Variants in UTRN observed in about 807,000 individuals in gnomAD.
The protein encoded by UTRN is utrophin.
Under a neutral mutation model 463.9 loss-of-function variants are expected in UTRN, and 283 were observed. That is an observed-to-expected ratio of 0.61 (90% confidence interval 0.55 to 0.67). The LOEUF is 0.67. Among genes scored for constraint, UTRN ranks in the 30% least tolerant of loss-of-function variants. The pLI, the probability that UTRN is intolerant of heterozygous loss-of-function variation, is 0.00. For synonymous variants in UTRN, 1,442 were observed against 1,431.5 expected, an observed-to-expected ratio of 1.01 and a Z score of -0.17; for missense variants, 3,922 against 4,084.3, an observed-to-expected ratio of 0.96 and a Z score of 1.08.
intron 9 of UTRN, among the ~76,000 whole-genome samples, chr6:144,435,383 G>A (rs1786439533): frequency 6.6e-6 from 1 of 152,118 alleles, no homozygotes; most frequent in Non-Finnish European, 1.5e-5. Context: ...AAACCAGAGG[G>A]CAACTGCCTA....
At chr6:144,310,397 A>G (rs1806140400) in intron 2 of UTRN, among the ~76,000 whole-genome samples, 1 of 152,080 alleles carries the variant, frequency 6.6e-6, no homozygotes, top group Admixed American at 6.5e-5. Flanking sequence ...TTAACCAGGC[A>G]TGGTGGCTCA....
At chr6:144,625,143 G>A (rs574356250) in intron 51 of UTRN, among the ~76,000 whole-genome samples, 19 of 152,280 alleles carry the variant, frequency 1.2e-4, no homozygotes, top group African/African-American at 4.6e-4. Flanking sequence ...ATATCCACAC[G>A]TCTGGAAGAA....
chr6:144,367,892 A>T (rs1204105428), intron 2 of UTRN, among the ~76,000 whole-genome samples: 1 of 151,940 alleles, frequency 6.6e-6, no homozygotes, highest in Non-Finnish European at 1.5e-5. Context: ...AGTGATTCTC[A>T]TGCCTCAGCC....
intron 69 of UTRN, among the ~76,000 whole-genome samples, chr6:144,830,165 G>T (rs944129887): frequency 6.6e-6 from 1 of 152,094 alleles, no homozygotes; most frequent in Admixed American, 6.6e-5. Context: ...TAAAGGTAAT[G>T]CTCAAATTTA....
Position 144,436,102 on chromosome 6 carries a change from T to C in UTRN, c.1023T>C (p.Asp341=). ...AGGAGCAGGATGATATTTCTGATGA[T>C]GTTGAAGAAGTCAAAGACCAGTTTG... The part of the protein sequence containing the change: ...TFQEQDDISD[D]VEEVKDQFAT... Residue 341 remains aspartate, a synonymous_variant, in exon 10 of 75, where the codon GAT becomes GAC. Coordinates refer to ENST00000367545, the MANE Select transcript of UTRN (RefSeq NM_007124.3). 1 of 1,614,198 alleles carries C rather than the reference T, an allele frequency of 6.2e-7. No individual in the cohort carries two copies. The highest frequency in any genetic ancestry group is 1.1e-5 in the South Asian group (1 of 91,078).
chr6:144,738,863 T>G (rs1037490199), intron 54 of UTRN, among the ~76,000 whole-genome samples: 5 of 152,212 alleles, frequency 3.3e-5, no homozygotes, highest in African/African-American at 1.2e-4. Flanking sequence ...GCAGTCAATT[T>G]TGCTTAATTT....
intron 63 of UTRN, among the ~76,000 whole-genome samples, chr6:144,796,598 T>G (rs1250268599): frequency 6.6e-6 from 1 of 152,202 alleles, no homozygotes; most frequent in African/African-American, 2.4e-5. Context: ...CTGATCTAAG[T>G]TACTAATTTG....
At chr6:144,823,046 G>A (rs1379646700) in intron 66 of UTRN, among the ~76,000 whole-genome samples, 2 of 152,022 alleles carry the variant, frequency 1.3e-5, no homozygotes, top group Non-Finnish European at 2.9e-5. Context: ...CCTATTCTGA[G>A]TGACTCTATT....
chr6:144,351,247 G>A (rs1209601713), intron 2 of UTRN, among the ~76,000 whole-genome samples: 2 of 152,140 alleles, frequency 1.3e-5, no homozygotes, highest in Non-Finnish European at 2.9e-5. Context: ...GTGTCTGTTT[G>A]TGTTAGAGTA....
chr6:144,644,425 A>T (rs1778085208), intron 51 of UTRN, among the ~76,000 whole-genome samples: 1 of 152,212 alleles, frequency 6.6e-6, no homozygotes, highest in Non-Finnish European at 1.5e-5. Context: ...AAGAAGTGAA[A>T]ATAAATATTT....
At chr6:144,561,189 C>A (rs1799831338) in intron 50 of UTRN, among the ~76,000 whole-genome samples, 1 of 115,818 alleles carries the variant, frequency 8.6e-6, no homozygotes, top group Non-Finnish European at 1.8e-5. Context: ...TTTGGCACTC[C>A]AGGGCAAAAA....
intron 2 of UTRN, among the ~76,000 whole-genome samples, chr6:144,349,365 C>A (rs1360885194): frequency 6.6e-6 from 1 of 152,184 alleles, no homozygotes; most frequent in East Asian, 1.9e-4. Flanking sequence ...TCCATTACCC[C>A]TGCCATCGTC....
intron 72 of UTRN, among the ~76,000 whole-genome samples, chr6:144,839,898 A>G (rs1781411957): frequency 6.6e-6 from 1 of 152,208 alleles, no homozygotes; most frequent in African/African-American, 2.4e-5. Flanking sequence ...ATTGTAACCA[A>G]ATTAATTTCT....
chr6:144,462,971 A>T, intron 23 of UTRN, 105 bp downstream of exon 23: 1 of 953,850 alleles, frequency 1.0e-6, no homozygotes. Context: ...TTCTTTCTAG[A>T]TCCCCATTTA....
intron 2 of UTRN, among the ~76,000 whole-genome samples, chr6:144,375,486 A>G (rs750621527): frequency 2.0e-5 from 3 of 152,140 alleles, no homozygotes; most frequent in Non-Finnish European, 2.9e-5. Context: ...AGGGTGTTCT[A>G]ATTTCATTAT....
At chr6:144,667,738 T>A (rs548242846) in intron 51 of UTRN, among the ~76,000 whole-genome samples, 80 of 152,292 alleles carry the variant, frequency 5.3e-4, no homozygotes, top group Non-Finnish European at 8.8e-4. Flanking sequence ...CTTCCCTTTT[T>A]CTTTTTTTCA....
intron 51 of UTRN, among the ~76,000 whole-genome samples, chr6:144,645,248 C>T (rs930503443): frequency 2.0e-5 from 3 of 152,060 alleles, no homozygotes; most frequent in Non-Finnish European, 4.4e-5. Flanking sequence ...AATTTTTGTT[C>T]TTAAGGACAC....
intron 23 of UTRN, among the ~76,000 whole-genome samples, chr6:144,471,069 A>G (rs955279598): frequency 1.4e-3 from 8 of 5,898 alleles, no homozygotes; most frequent in East Asian, 5.8e-3. Flanking sequence ...AGGGAGGGGG[A>G]GGGGGCGAGG....
intron 69 of UTRN, among the ~76,000 whole-genome samples, chr6:144,833,038 T>G (rs927291960): frequency 6.6e-6 from 1 of 152,206 alleles, no homozygotes; most frequent in Admixed American, 6.5e-5. Context: ...CAGGCTGGTC[T>G]CAAGCTCCTG....
Sources: allele counts gnomAD v4.1 joint callset (sites outside exome capture counted in the v4.1 genomes callset), GRCh38; gene constraint gnomAD v4.1.1; transcripts MANE v1.5; gene names NCBI Gene and HGNC (gene_info 2026-07-23, HGNC 2026-07-21).